SPRED1: variants seen among roughly 807,000 people sequenced by gnomAD.
SPRED1 encodes sprouty related EVH1 domain containing 1, also known as sprouty-related, EVH1 domain-containing protein 1.
SPRED1 carries 18 observed loss-of-function variants against 52.3 expected under a neutral mutation model. The ratio of observed to expected loss-of-function variants is 0.34; its 90% CI spans 0.24 to 0.51. The LOEUF (loss-of-function observed/expected upper bound fraction) is 0.51, where lower values mean the gene tolerates loss of function less well. SPRED1 is among the 20% of genes least tolerant of loss of function. The pLI is 0.97. For missense variants in SPRED1, 485 were observed against 551.0 expected, an observed-to-expected ratio of 0.88 and a Z score of 1.20; for synonymous variants, 155 against 179.7, an observed-to-expected ratio of 0.86 and a Z score of 1.10.
At chr15:38,282,697 G>T (rs1384563315) in intron 1 of SPRED1, among the ~76,000 whole-genome samples, 1 of 152,110 alleles carries the variant, frequency 6.6e-6, no homozygotes, top group Non-Finnish European at 1.5e-5. Flanking sequence ...TCCTAATAGC[G>T]ATGGGAAATG....
At chr15:38,344,340 A>T (rs1322337687) in intron 5 of SPRED1, among the ~76,000 whole-genome samples, 1 of 152,110 alleles carries the variant, frequency 6.6e-6, no homozygotes, top group Non-Finnish European at 1.5e-5. Context: ...AGGCCCTGGG[A>T]ATTTATTTGG....
At position 38,339,911 on chromosome 15, in the gene SPRED1, A is replaced by G. The variant is rs1895996789; in HGVS notation, c.582+16A>G. The G allele has an allele frequency of 3.7e-6, 6 of 1,613,462 alleles. No homozygotes were observed. The highest frequency in any genetic ancestry group is 1.1e-5 in the South Asian group (1 of 91,060). On this transcript the variant is annotated intron_variant, in intron 5 of 6. Transcript: ENST00000299084. ...AGCCAATCAGGTAAGAAGATAAAAT[A>G]TTTTTTCGGCGCGTTGTTTATATGT...
intron 2 of SPRED1, among the ~76,000 whole-genome samples, chr15:38,320,879 AAGAC>A (rs770080598): frequency 3.3e-5 from 5 of 152,188 alleles, no homozygotes; most frequent in Admixed American, 6.5e-5. Flanking sequence ...AATATGATGA[AAGAC>A]AGGCCCAGGA....
At chr15:38,294,038 G>A (rs924566617) in intron 1 of SPRED1, among the ~76,000 whole-genome samples, 9 of 152,060 alleles carry the variant, frequency 5.9e-5, no homozygotes, top group African/African-American at 1.9e-4. Flanking sequence ...CATGGGTTAA[G>A]TGAATAGATT....
chr15:38,269,911 T>C (rs910614238), intron 1 of SPRED1, among the ~76,000 whole-genome samples: 101 of 144,736 alleles, frequency 7.0e-4, no homozygotes, highest in African/African-American at 2.3e-3. Flanking sequence ...CTTTCTTTTT[T>C]TTTTTTTTTT....
intron 4 of SPRED1, among the ~76,000 whole-genome samples, chr15:38,338,078 G>A (rs1025834897): frequency 2.0e-5 from 3 of 150,496 alleles, no homozygotes; most frequent in Admixed American, 6.6e-5. Flanking sequence ...TGGGCGTGGC[G>A]GCGGGCTCCT....
Position 38,351,425 on chromosome 15 carries a change from G to T in SPRED1, c.1096G>T (p.Val366Phe), listed in dbSNP as rs372623722. The change falls in exon 7 of 7, where the codon GTT becomes TTT. Residue 366 changes from valine (V) to phenylalanine (F), a missense_variant. By Grantham distance (50) the Val-to-Phe change is conservative. This residue lies in a region of SPRED1 where 205 missense variants were observed against 245.2 expected (regional missense o/e 0.84). Coordinates refer to ENST00000299084, the MANE Select transcript of SPRED1 (RefSeq NM_152594.3). ...PDPIKRCIYQ[V>F]SCMLCAESML... Reference sequence around the variant, plus strand: ...CCCTATTAAAAGATGCATATATCAAGTTAGTTGCATGCTCTGTGCAGAGAG... The same window carrying T: ...CCCTATTAAAAGATGCATATATCAATTTAGTTGCATGCTCTGTGCAGAGAG... The T allele has an allele frequency of 6.2e-7, 1 of 1,614,046 alleles. No individual in the cohort carries two copies. The highest frequency in any genetic ancestry group is 1.1e-5 in the South Asian group (1 of 91,086).
intron 5 of SPRED1, among the ~76,000 whole-genome samples, chr15:38,347,369 T>C (rs529724759): frequency 8.1e-4 from 124 of 152,182 alleles, no homozygotes; most frequent in African/African-American, 2.9e-3. Context: ...TAAATTAGTG[T>C]CACATTGTCA....
Position 38,322,372 on chromosome 15 carries a change from T to C in SPRED1, c.339T>C (p.Asp113=). The C allele has an allele frequency of 6.2e-7, 1 of 1,613,886 alleles. No individual in the cohort carries two copies. Among genetic ancestry groups the C allele is most frequent in the South Asian group, 1.1e-5 (1 of 91,082 alleles). The change falls in exon 3 of 7, where the codon GAT becomes GAC. Residue 113 remains aspartate (D), a synonymous_variant. Coordinates refer to ENST00000299084, the MANE Select transcript of SPRED1 (RefSeq NM_152594.3). The part of the protein sequence containing the change: ...FQSPADARAF[D]RGIRRAIEDI... ...GTCCTGCTGATGCTAGGGCTTTTGA[T>C]AGAGGTATCCGAAGAGCTATAGAGG...
At chr15:38,298,428 C>A in intron 1 of SPRED1, 1 of 256,942 alleles carries the variant, frequency 3.9e-6, no homozygotes, top group South Asian at 3.7e-5. Context: ...TCATAATTGC[C>A]AACAACTAGA....
chr15:38,335,051 T>C (rs1268878364), intron 4 of SPRED1, among the ~76,000 whole-genome samples: 1 of 152,128 alleles, frequency 6.6e-6, no homozygotes, highest in Non-Finnish European at 1.5e-5. Context: ...TTCATGTGTC[T>C]TTAATTGAAT....
Position 38,354,077 on chromosome 15 carries a change from T to C in SPRED1, c.*2413T>C, listed in dbSNP as rs1888552026. 6.6e-6 allele frequency: 1 copy of C among 152,598 alleles called. No homozygotes were observed. The highest frequency in any genetic ancestry group is 6.5e-5 in the Admixed American group (1 of 15,276). The allele number at this position is 152,598 out of a possible 1,614,324, so 9.5% of individuals were successfully genotyped here. A position where few individuals can be genotyped will look rare whatever the true frequency, so the allele number is the denominator to read the frequency against. On this transcript the variant is annotated 3_prime_UTR_variant, in exon 7 of 7. Coordinates refer to ENST00000299084, the MANE Select transcript of SPRED1 (RefSeq NM_152594.3). Reference sequence around the variant, plus strand: ...ATGGTTTTTATTTTACCTTGGATCTTTATAGTTAACATACCCAGTTTCTTA... The same window carrying C: ...ATGGTTTTTATTTTACCTTGGATCTCTATAGTTAACATACCCAGTTTCTTA...
At chr15:38,270,450 T>C (rs1049369963) in intron 1 of SPRED1, among the ~76,000 whole-genome samples, 2 of 152,192 alleles carry the variant, frequency 1.3e-5, no homozygotes, top group Non-Finnish European at 2.9e-5. Context: ...CTGAGATGGG[T>C]AATTATTAAG....
chr15:38,280,783 C>T (rs1470108106), intron 1 of SPRED1, among the ~76,000 whole-genome samples: 1 of 152,178 alleles, frequency 6.6e-6, no homozygotes, highest in Non-Finnish European at 1.5e-5. Context: ...AAAATAACTA[C>T]TTGTGAACTC....
chr15:38,298,151 C>T (rs972525373), intron 1 of SPRED1, among the ~76,000 whole-genome samples: 14 of 152,032 alleles, frequency 9.2e-5, no homozygotes, highest in African/African-American at 2.4e-4. Flanking sequence ...AAATTTAAAA[C>T]GCTGTGGGAT....
At chr15:38,274,427 A>G (rs1390258717) in intron 1 of SPRED1, among the ~76,000 whole-genome samples, 1 of 152,054 alleles carries the variant, frequency 6.6e-6, no homozygotes, top group African/African-American at 2.4e-5. Flanking sequence ...GCATTATCTC[A>G]TGTGATTCTC....
chr15:38,291,254 G>A (rs1045067044), intron 1 of SPRED1, among the ~76,000 whole-genome samples: 1 of 152,254 alleles, frequency 6.6e-6, no homozygotes, highest in Non-Finnish European at 1.5e-5. Flanking sequence ...GATGCAAGAG[G>A]TAGGTTCCCA....
intron 1 of SPRED1, among the ~76,000 whole-genome samples, chr15:38,256,352 A>C (rs563392986): frequency 6.6e-6 from 1 of 152,260 alleles, no homozygotes; most frequent in East Asian, 1.9e-4. Context: ...CATATTTTAC[A>C]TTATTGAATT....
chr15:38,253,138 GCCTGCTGT>G lies in SPRED1; in HGVS notation c.-47_-40del. 6.4e-7 allele frequency: 1 copy of G among 1,551,846 alleles called. No individual in the cohort carries two copies. Among genetic ancestry groups the G allele is most frequent in the Non-Finnish European group, 8.7e-7 (1 of 1,145,232 alleles). ...CCCTCGGTGCTGCTGTTGCTCCCCCGCCTGCTGTTGCTCCTCCATCTCCAGATCGGATC... is the reference window on the plus strand; with the variant it reads ...CCCTCGGTGCTGCTGTTGCTCCCCCGTGCTCCTCCATCTCCAGATCGGATC... On this transcript the variant is annotated 5_prime_UTR_variant, in exon 1 of 7. The change abolishes the stop of an existing upstream ORF in the 5' untranslated region. Transcript: ENST00000299084.
Sources: allele counts gnomAD v4.1 joint callset (sites outside exome capture counted in the v4.1 genomes callset), GRCh38; gene constraint gnomAD v4.1.1; regional missense constraint gnomAD v4.1.1; transcripts MANE v1.5; gene names NCBI Gene and HGNC (gene_info 2026-07-23, HGNC 2026-07-21).